ZNF813: variants seen among roughly 807,000 people sequenced by gnomAD.
The protein encoded by ZNF813 is zinc finger protein 813.
ZNF813 carries 3 observed loss-of-function variants against 7.2 expected under a neutral mutation model. That is an observed-to-expected ratio of 0.42 (90% CI 0.19 to 1.08). The LOEUF (loss-of-function observed/expected upper bound fraction) is 1.08. ZNF813 is among the 50% of genes least tolerant of loss of function. The pLI is 0.30. For missense variants in ZNF813, 714 were observed against 753.3 expected (o/e 0.95, Z 0.61); for synonymous variants, 227 against 256.3 (o/e 0.89, Z 1.09).
At position 53,472,611 on chromosome 19, in the gene ZNF813, C is replaced by CT. The variant is rs1166123869; in HGVS notation, c.-74+4840dup. ...GGTCTGATTATAAGTACAAGTCTTTCTTTTTTTTTTTTTTTTTTGAGATGG... is the reference window on the plus strand; with the variant it reads ...GGTCTGATTATAAGTACAAGTCTTTCTTTTTTTTTTTTTTTTTTTGAGATGG... On this transcript the variant is annotated intron_variant, in intron 1 of 3. Coordinates refer to ENST00000396403, the MANE Select transcript of ZNF813 (RefSeq NM_001004301.4). Among the ~76,000 whole-genome samples, 306 of 128,416 alleles carry CT rather than the reference C, an allele frequency of 2.4e-3. 2 individuals are homozygous for CT. The highest frequency in any genetic ancestry group is 7.6e-3 in the South Asian group (31 of 4,066). 84.2% of individuals were successfully genotyped at this position (128,416 alleles called of 152,430 possible). A position where few individuals can be genotyped will look rare whatever the true frequency, so the allele number is the denominator to read the frequency against.
intron 1 of ZNF813, among the ~76,000 whole-genome samples, chr19:53,471,229 C>A (rs2086357465): frequency 6.6e-6 from 1 of 151,964 alleles, no homozygotes; most frequent in Non-Finnish European, 1.5e-5. Flanking sequence ...TGTCCTTTTT[C>A]CTGGCAACTG....
At chr19:53,487,221 G>A (rs2086438759) in intron 3 of ZNF813, among the ~76,000 whole-genome samples, 2 of 152,078 alleles carry the variant, frequency 1.3e-5, no homozygotes, top group African/African-American at 2.4e-5. Flanking sequence ...GCCAGTCTTT[G>A]CCTTCTGAGT....
chr19:53,478,138 C>CTA (rs2086390440), intron 1 of ZNF813, among the ~76,000 whole-genome samples: 2 of 151,996 alleles, frequency 1.3e-5, no homozygotes, highest in Non-Finnish European at 2.9e-5. Flanking sequence ...AAAAAAATGA[C>CTA]TTTCTGTTAT....
At chr19:53,479,416 G>C in intron 1 of ZNF813, 3 of 1,579,254 alleles carry the variant, frequency 1.9e-6, no homozygotes, top group Non-Finnish European at 2.6e-6. Context: ...GCAGGCAGAT[G>C]ATGAGGAGTG....
intron 1 of ZNF813, among the ~76,000 whole-genome samples, chr19:53,468,565 G>A (rs2086340031): frequency 6.6e-6 from 1 of 152,112 alleles, no homozygotes; most frequent in Non-Finnish European, 1.5e-5. Context: ...GGCAACAGGT[G>A]GGGAGAGGTC....
Position 53,495,792 on chromosome 19 carries a change from CAAA to C in ZNF813, c.*3713_*3715del, listed in dbSNP as rs372615123. 7 of 149,640 alleles carry C rather than the reference CAAA, an allele frequency of 4.7e-5. No homozygotes were observed. The highest frequency in any genetic ancestry group is 1.3e-4 in the Admixed American group (2 of 14,984). 9.3% of individuals were successfully genotyped at this position (149,640 alleles called of 1,614,324 possible). On this transcript the variant is annotated 3_prime_UTR_variant, in exon 4 of 4. Transcript: ENST00000396403. ...GGGCAATAAGAGCAAAACTTTGTCT[CAAA>C]AAAAAATAAATAAATAAAAAATAAA... is the stretch of plus-strand genomic sequence containing the variant.
intron 1 of ZNF813, chr19:53,479,409 G>T (rs2086396932): frequency 1.9e-6 from 3 of 1,585,906 alleles, no homozygotes; most frequent in Non-Finnish European, 1.7e-6. Flanking sequence ...TGCAGCTGCA[G>T]GCAGATGATG....
intron 1 of ZNF813, among the ~76,000 whole-genome samples, chr19:53,474,546 A>G (rs567662215): frequency 2.6e-5 from 4 of 152,254 alleles, no homozygotes; most frequent in African/African-American, 9.6e-5. Context: ...AGAAGTAGCC[A>G]GTCATGATGG....
intron 1 of ZNF813, among the ~76,000 whole-genome samples, chr19:53,473,728 C>T (rs2086370099): frequency 6.6e-6 from 1 of 152,228 alleles, no homozygotes; most frequent in South Asian, 2.1e-4. Context: ...GGGCTTCTTG[C>T]ATGGCTATTA....
Position 53,492,598 on chromosome 19 carries a change from C to G in ZNF813, c.*512C>G, listed in dbSNP as rs2086469293. ...TGAGCAGTCAACACTTACTCACCAT[C>G]AGGCAATCCATGGTGAAGGAAACTT... On this transcript the variant is annotated 3_prime_UTR_variant, in exon 4 of 4. Transcript: ENST00000396403. 3.1e-6 allele frequency: 2 copies of G among 646,184 alleles called. No individual in the cohort carries two copies. Among genetic ancestry groups the G allele is most frequent in the African/African-American group, 3.7e-5 (2 of 54,166 alleles). The allele number at this position is 646,184 out of a possible 1,614,324, so 40.0% of individuals were successfully genotyped here.
At position 53,469,824 on chromosome 19, in the gene ZNF813, G is replaced by T. The variant is rs545833434; in HGVS notation, c.-74+2035G>T. Among the ~76,000 whole-genome samples the T allele has an allele frequency of 4.4e-3, 671 of 151,574 alleles. 6 individuals carry two copies. The highest frequency in any genetic ancestry group is 6.3e-3 in the Non-Finnish European group (427 of 67,816). ...GACAGGGGGTATAACAGGGAAGAGA[G>T]AATTTAACGGGGAGAGCAGAGGAGG... On this transcript the variant is annotated intron_variant, in intron 1 of 3. Transcript: ENST00000396403.
At chr19:53,468,580 A>G (rs2617715) in intron 1 of ZNF813, among the ~76,000 whole-genome samples, 17,659 of 152,002 alleles carry the variant, frequency 0.12, 2,408 homozygotes, top group African/African-American at 0.33. Flanking sequence ...GAGGTCAGCA[A>G]GAAAACATGT....
chr19:53,495,521 G>A lies in ZNF813; in HGVS notation c.*3435G>A, dbSNP rs1403606176. The stretch of plus-strand genomic sequence containing the variant: ...ACAGGCATGAGCCACCATGCCCCTT[G>A]CACATCAGTTTTACAAAAAAATTTA... On this transcript the variant is annotated 3_prime_UTR_variant, in exon 4 of 4. Coordinates refer to ENST00000396403, the MANE Select transcript of ZNF813 (RefSeq NM_001004301.4). 1.3e-5 allele frequency: 2 copies of A among 152,006 alleles called. No individual in the cohort carries two copies. Among genetic ancestry groups the A allele is most frequent in the African/African-American group, 4.8e-5 (2 of 41,376 alleles). 9.4% of individuals were successfully genotyped at this position (152,006 alleles called of 1,614,324 possible). A position where few individuals can be genotyped will look rare whatever the true frequency, so the allele number is the denominator to read the frequency against.
At chr19:53,477,679 GAT>G (rs1165043730) in intron 1 of ZNF813, among the ~76,000 whole-genome samples, 1 of 148,842 alleles carries the variant, frequency 6.7e-6, no homozygotes, top group African/African-American at 2.5e-5. Flanking sequence ...AAATTAACCA[GAT>G]GTGATGGTGC....
Position 53,492,548 on chromosome 19 carries a change from T to C in ZNF813, c.*462T>C. The C allele has an allele frequency of 1.9e-6, 1 of 537,634 alleles. No individual in the cohort carries two copies. Among genetic ancestry groups the C allele is most frequent in the Non-Finnish European group, 3.5e-6 (1 of 281,982 alleles). 33.3% of individuals were successfully genotyped at this position (537,634 alleles called of 1,614,324 possible). On this transcript the variant is annotated 3_prime_UTR_variant, in exon 4 of 4. Coordinates refer to ENST00000396403, the MANE Select transcript of ZNF813 (RefSeq NM_001004301.4). ...TTATACTGGAGAGAAACCTTACAAG[T>C]GTAATGAGTCTGGCAAAGCCTTAAT... is the stretch of plus-strand genomic sequence containing the variant.
chr19:53,490,784 C>A lies in ZNF813; in HGVS notation c.552C>A (p.Pro184=), dbSNP rs777737027. The A allele has an allele frequency of 4.3e-6, 7 of 1,614,054 alleles. No homozygotes were observed. The highest frequency in any genetic ancestry group is 2.7e-5 in the African/African-American group (2 of 74,916). The stretch of plus-strand genomic sequence containing the variant: ...CATCCCAAAGAATTTCTTGTAGGCC[C>A]AAAACCCATATTTCTAATAACTATG... ...ISTSQRISCR[P]KTHISNNYGN... is the part of the protein sequence containing the mutation. Residue 184 remains proline (P), a synonymous_variant, in exon 4 of 4, where the codon CCC becomes CCA. Coordinates refer to ENST00000396403, the MANE Select transcript of ZNF813 (RefSeq NM_001004301.4).
Position 53,482,201 on chromosome 19 carries a change from TA to T in ZNF813, c.-73-1542del, listed in dbSNP as rs1008146491. Among the ~76,000 whole-genome samples, 613 of 152,044 alleles carry T rather than the reference TA, an allele frequency of 4.0e-3. 3 individuals carry two copies. Among genetic ancestry groups the T allele is most frequent in the African/African-American group, 0.014 (579 of 41,482 alleles). On this transcript the variant is annotated intron_variant, in intron 1 of 3. Coordinates refer to ENST00000396403, the MANE Select transcript of ZNF813 (RefSeq NM_001004301.4). ...GCAGTACCCCAAAAATAAAAAAGAATAAAAAAATGCAAAAGAATGGAAGAAA... is the reference window on the plus strand; with the variant it reads ...GCAGTACCCCAAAAATAAAAAAGAATAAAAAATGCAAAAGAATGGAAGAAA...
At chr19:53,482,744 G>T (rs2086415458) in intron 1 of ZNF813, among the ~76,000 whole-genome samples, 1 of 101,360 alleles carries the variant, frequency 9.9e-6, no homozygotes, top group African/African-American at 4.0e-5. Context: ...TTTTTTGAGA[G>T]ACAGAATCTC....
chr19:53,472,819 T>C (rs2086365939), intron 1 of ZNF813, among the ~76,000 whole-genome samples: 3 of 152,044 alleles, frequency 2.0e-5, no homozygotes, highest in Admixed American at 1.3e-4. Flanking sequence ...TCCATGTTGG[T>C]GTGGCTGGTC....
Sources: allele counts gnomAD v4.1 joint callset (sites outside exome capture counted in the v4.1 genomes callset), GRCh38; gene constraint gnomAD v4.1.1; transcripts MANE v1.5; gene names NCBI Gene and HGNC (gene_info 2026-07-23, HGNC 2026-07-21).